Variants in DNM3 observed in about 807,000 individuals in gnomAD.
DNM3 encodes the protein dynamin-3.
A neutral mutation model predicts 101.6 loss-of-function variants in DNM3; 47 were observed. The observed-to-expected ratio is 0.46, with a 90% CI of 0.37 to 0.59. The LOEUF (loss-of-function observed/expected upper bound fraction) is 0.59, where lower values mean the gene tolerates loss of function less well. Among genes scored for constraint, DNM3 ranks in the 20% least tolerant of loss-of-function variants. The pLI, the probability that DNM3 is intolerant of heterozygous loss-of-function variation, is 0.00. For synonymous variants in DNM3, 385 were observed against 387.9 expected, an observed-to-expected ratio of 0.99 and a Z score of 0.09; for missense variants, 849 against 1,085.7, an observed-to-expected ratio of 0.78 and a Z score of 3.06.
intron 4 of DNM3, among the ~76,000 whole-genome samples, chr1:171,993,810 A>T (rs918861669): frequency 2.0e-5 from 3 of 151,790 alleles, no homozygotes; most frequent in Admixed American, 6.6e-5. Context: ...TTAGACTGGG[A>T]GGAACAATCT....
intron 14 of DNM3, among the ~76,000 whole-genome samples, chr1:172,244,342 A>G (rs2148659638): frequency 6.6e-6 from 1 of 152,302 alleles, no homozygotes; most frequent in Non-Finnish European, 1.5e-5. Context: ...GCATGTGACA[A>G]AATTGACAAA....
At position 172,339,948 on chromosome 1, in the gene DNM3, A is replaced by G. The variant is rs189185456; in HGVS notation, c.1893+16608A>G. Among the ~76,000 whole-genome samples the G allele has an allele frequency of 1.3e-3, 193 of 152,318 alleles. 2 individuals are homozygous for G. The highest frequency in any genetic ancestry group is 1.7e-3 in the Non-Finnish European group (113 of 68,014). On this transcript the variant is annotated intron_variant, in intron 17 of 20. Transcript: ENST00000627582. Reference sequence around the variant, plus strand: ...GATTTGTGAGGTCAGGTGTGGTGGGACATATGCCTGGACAATAGGCAAGGA... The same window carrying G: ...GATTTGTGAGGTCAGGTGTGGTGGGGCATATGCCTGGACAATAGGCAAGGA...
chr1:172,389,631 A>G (rs2069407941), intron 20 of DNM3, among the ~76,000 whole-genome samples: 1 of 152,218 alleles, frequency 6.6e-6, no homozygotes, highest in South Asian at 2.1e-4. Context: ...AGAGGAAAGA[A>G]AATTAGCCCA....
intron 17 of DNM3, among the ~76,000 whole-genome samples, chr1:172,325,479 A>G (rs2065902776): frequency 6.6e-6 from 1 of 152,044 alleles, no homozygotes; most frequent in Non-Finnish European, 1.5e-5. Flanking sequence ...TGGAAAATAT[A>G]ATGCTTATAC....
At chr1:172,305,862 G>C (rs2064783027) in intron 15 of DNM3, among the ~76,000 whole-genome samples, 1 of 152,136 alleles carries the variant, frequency 6.6e-6, no homozygotes, top group Non-Finnish European at 1.5e-5. Flanking sequence ...CAATTAACTA[G>C]GTACTGATGG....
intron 4 of DNM3, among the ~76,000 whole-genome samples, chr1:172,026,730 C>T (rs763212034): frequency 6.6e-6 from 1 of 151,844 alleles, no homozygotes; most frequent in Non-Finnish European, 1.5e-5. Flanking sequence ...TGTTGGCTCA[C>T]TGCAAGCTCC....
intron 2 of DNM3, among the ~76,000 whole-genome samples, chr1:171,943,038 G>A (rs910332461): frequency 4.6e-5 from 7 of 152,088 alleles, no homozygotes; most frequent in Non-Finnish European, 8.8e-5. Context: ...CTTGAGCCTG[G>A]GTGGTTGAGG....
At chr1:172,074,564 G>A (rs541493322) in intron 11 of DNM3, among the ~76,000 whole-genome samples, 1 of 152,178 alleles carries the variant, frequency 6.6e-6, no homozygotes. Context: ...AGAACATGCA[G>A]TGTTTGGTTT....
At chr1:172,066,949 TG>T (rs2051719947) in intron 10 of DNM3, among the ~76,000 whole-genome samples, 1 of 77,334 alleles carries the variant, frequency 1.3e-5, no homozygotes, top group Non-Finnish European at 2.9e-5. Context: ...TCTGTCTCTG[TG>T]TTTGTGTGTG....
intron 11 of DNM3, among the ~76,000 whole-genome samples, chr1:172,070,642 A>G (rs976680201): frequency 3.3e-5 from 5 of 152,186 alleles, no homozygotes; most frequent in Non-Finnish European, 7.3e-5. Flanking sequence ...CTGGGCTCAG[A>G]CTACCTGAAT....
chr1:172,222,659 A>G (rs2060950486), intron 14 of DNM3, among the ~76,000 whole-genome samples: 1 of 152,190 alleles, frequency 6.6e-6, no homozygotes, highest in Non-Finnish European at 1.5e-5. Flanking sequence ...ATGTTTAAAA[A>G]GAGAAAAACA....
rs1019365057 is a variant in DNM3, at chr1:171,987,398, G to A, written c.236-258G>A. On this transcript the variant is annotated intron_variant, in intron 2 of 20. Transcript: ENST00000627582. Reference sequence around the variant, plus strand: ...AAATTTTCTTTAAATTATTTAATAGGCTAGATGGTTTAGGGACTGGTTTTA... The same window carrying A: ...AAATTTTCTTTAAATTATTTAATAGACTAGATGGTTTAGGGACTGGTTTTA... 10 of 847,418 alleles carry A rather than the reference G, an allele frequency of 1.2e-5. No homozygotes were observed. The African/African-American group carries it at 1.7e-4, about 14-fold the overall frequency. 52.5% of individuals were successfully genotyped at this position (847,418 alleles called of 1,614,324 possible). A position where few individuals can be genotyped will look rare whatever the true frequency, so the allele number is the denominator to read the frequency against.
chr1:172,396,728 C>T (rs1432062719), intron 20 of DNM3, among the ~76,000 whole-genome samples: 1 of 152,132 alleles, frequency 6.6e-6, no homozygotes, highest in African/African-American at 2.4e-5. Context: ...TATTTAGTTT[C>T]AGATTTTCAT....
chr1:171,949,387 A>G (rs1269839800), intron 2 of DNM3, among the ~76,000 whole-genome samples: 2 of 152,172 alleles, frequency 1.3e-5, no homozygotes, highest in East Asian at 3.9e-4. Flanking sequence ...TGAGGGAAAT[A>G]AAAATTAAAA....
chr1:171,891,865 T>C (rs2037311928), intron 1 of DNM3, among the ~76,000 whole-genome samples: 1 of 152,180 alleles, frequency 6.6e-6, no homozygotes, highest in South Asian at 2.1e-4. Context: ...TTCTATCCTG[T>C]ATTCTTTGTA....
chr1:172,375,922 T>G (rs1010677362), intron 17 of DNM3, among the ~76,000 whole-genome samples: 1 of 151,092 alleles, frequency 6.6e-6, no homozygotes, highest in South Asian at 2.1e-4. Context: ...AGTTCAGGGG[T>G]TCGAGACTGC....
chr1:172,073,520 T>C (rs959096540), intron 11 of DNM3, among the ~76,000 whole-genome samples: 1 of 152,196 alleles, frequency 6.6e-6, no homozygotes, highest in African/African-American at 2.4e-5. Context: ...AGAGTAATAG[T>C]ACAATCCAAC....
In DNM3 at chr1:172,107,341, A is replaced by G. The variant is rs536699119; in HGVS notation, c.1545+14466A>G. ...GTTGGGAGTGAGGGGAGTAGGACTT[A>G]CATGGACATCTTAAGAAGATGGTGA... On this transcript the variant is annotated intron_variant, in intron 13 of 20. Transcript: ENST00000627582. Among the ~76,000 whole-genome samples, 315 of 152,272 alleles carry G rather than the reference A, an allele frequency of 2.1e-3. 4 individuals carry two copies. Among genetic ancestry groups the G allele is most frequent in the African/African-American group, 7.2e-3 (300 of 41,544 alleles).
In DNM3 at chr1:172,399,757, T is replaced by C. The variant is rs1245959440; in HGVS notation, c.2523-8015T>C. ...AATAAATGGTAATTCTTTTTCTTCA[T>C]ATTTACCACCTGGGCTAATAGAAGT... On this transcript the variant is annotated intron_variant, in intron 20 of 20. Coordinates refer to ENST00000627582, the MANE Select transcript of DNM3 (RefSeq NM_015569.5). The C allele has an allele frequency of 3.5e-4, 54 of 152,156 alleles. 1 individual carries two copies. The highest frequency in any genetic ancestry group is 2.9e-5 in the Non-Finnish European group (2 of 68,026). The allele number at this position is 152,156 out of a possible 1,614,324, so 9.4% of individuals were successfully genotyped here. A position where few individuals can be genotyped will look rare whatever the true frequency, so the allele number is the denominator to read the frequency against.
Sources: gnomAD v4.1 joint callset for allele counts (sites outside exome capture counted in the v4.1 genomes callset) on GRCh38, gnomAD v4.1.1 for gene constraint, MANE v1.5 for transcripts, NCBI Gene and HGNC (gene_info 2026-07-23, HGNC 2026-07-21) for gene names.